The following TTBK1 variants were observed in gnomAD, a reference collection of about 807,000 sequenced individuals.
TTBK1 encodes tau-tubulin kinase 1.
TTBK1 carries 34 observed loss-of-function variants against 108.5 expected under a neutral mutation model. The observed-to-expected ratio is 0.31, with a 90% confidence interval of 0.24 to 0.42. The LOEUF (loss-of-function observed/expected upper bound fraction) is 0.42. Among genes scored for constraint, TTBK1 ranks in the 10% least tolerant of loss-of-function variants. The probability of loss-of-function intolerance (pLI) is 1.00; values close to 1 mark genes in which losing one functional copy is unlikely to be tolerated. For synonymous variants in TTBK1, 809 were observed against 795.1 expected (o/e 1.02, Z -0.29); for missense variants, 1,539 against 1,826.0 (o/e 0.84, Z 2.86).
At chr6:43,279,021 G>C (rs960984387) in intron 13 of TTBK1, among the ~76,000 whole-genome samples, 1 of 152,252 alleles carries the variant, frequency 6.6e-6, no homozygotes, top group Non-Finnish European at 1.5e-5. Flanking sequence ...ACTGGAAAGA[G>C]TTTTGGGTCC....
intron 2 of TTBK1, among the ~76,000 whole-genome samples, chr6:43,251,003 A>C (rs1777223921): frequency 6.6e-6 from 1 of 152,196 alleles, no homozygotes. Context: ...TTTCATCTCT[A>C]AGAGAAAGGA....
At chr6:43,247,995 A>G (rs1189813239) in intron 2 of TTBK1, 1 of 152,208 alleles carries the variant, frequency 6.6e-6, no homozygotes, top group Non-Finnish European at 1.5e-5. Context: ...CAGTAATAAA[A>G]GGAACGAGGG....
intron 13 of TTBK1, among the ~76,000 whole-genome samples, chr6:43,275,546 G>A (rs1023172014): frequency 6.6e-6 from 1 of 151,590 alleles, no homozygotes; most frequent in African/African-American, 2.4e-5. Context: ...GGAGGGCCCT[G>A]TCGCCCCACC....
intron 13 of TTBK1, chr6:43,272,726 C>T (rs778125209): frequency 3.0e-5 from 29 of 971,424 alleles, no homozygotes; most frequent in South Asian, 1.9e-4. Context: ...ATGTGAAGCT[C>T]GGCAGAGCTT....
intron 5 of TTBK1, among the ~76,000 whole-genome samples, chr6:43,254,339 C>T (rs563327075): frequency 6.6e-6 from 1 of 152,366 alleles, no homozygotes; most frequent in Non-Finnish European, 1.5e-5. Context: ...CTTTAGTTTC[C>T]TCATCTCTAA....
At chr6:43,280,744 GA>G (rs1246041929) in intron 13 of TTBK1, among the ~76,000 whole-genome samples, 1 of 152,200 alleles carries the variant, frequency 6.6e-6, no homozygotes, top group Non-Finnish European at 1.5e-5. Flanking sequence ...GTAGAAAAGG[GA>G]GAATAAGTAA....
rs983659764 is a variant in TTBK1 at position 43,286,143 on chromosome 6, A to C, written c.*767A>C. On this transcript the variant is annotated 3_prime_UTR_variant, in exon 15 of 15. Transcript: ENST00000259750. The surrounding 1 kb of genome is among the most constrained non-coding windows in gnomAD (Gnocchi z 4.6). ...CTCCCCTGCACCTCTGGGGTGCAGAAACCTCTTGCCTCCAGATTTGGGTGG... is the reference window on the plus strand; with the variant it reads ...CTCCCCTGCACCTCTGGGGTGCAGACACCTCTTGCCTCCAGATTTGGGTGG... 2.6e-5 allele frequency: 4 copies of C among 152,604 alleles called. No homozygotes were observed. Among genetic ancestry groups the C allele is most frequent in the African/African-American group, 9.7e-5 (4 of 41,432 alleles). The allele number at this position is 152,604 out of a possible 1,614,324, so 9.5% of individuals were successfully genotyped here.
chr6:43,272,568 G>C, intron 13 of TTBK1: 2 of 985,406 alleles, frequency 2.0e-6, no homozygotes, highest in Non-Finnish European at 2.4e-6. Context: ...ACATCCTTTT[G>C]TATATCCTCC....
intron 2 of TTBK1, chr6:43,247,879 G>T (rs746457333): frequency 6.6e-6 from 1 of 152,248 alleles, no homozygotes; most frequent in Non-Finnish European, 1.5e-5. Flanking sequence ...ATGAAGAGGA[G>T]GAGACTTCTA....
Position 43,265,081 on chromosome 6 carries a change from G to A in TTBK1, c.1986+1731G>A, listed in dbSNP as rs1219649825. Among the ~76,000 whole-genome samples the A allele has an allele frequency of 1.3e-5, 2 of 152,242 alleles. No homozygotes were observed. The highest frequency in any genetic ancestry group is 1.9e-4 in the East Asian group (1 of 5,202). On this transcript the variant is annotated intron_variant, in intron 13 of 14. Transcript: ENST00000259750. This position sits in a 1 kb window ranked among gnomAD's most constrained non-coding sequence, Gnocchi z 4.1. ...GAGGCTGAACTCTGACCTGGGAAAT[G>A]GAGGAAAACTCCAAATGGGGTCCAT... is the stretch of plus-strand genomic sequence containing the variant.
chr6:43,246,853 G>C, intron 2 of TTBK1, 85 bp downstream of exon 2: 1 of 1,060,268 alleles, frequency 9.4e-7, no homozygotes, highest in Middle Eastern at 2.1e-4. Context: ...GGTGCCCTCC[G>C]CTCCCCTACC....
rs1777610733 is a variant in TTBK1, at chr6:43,263,890, G to A, written c.1986+540G>A. Among the ~76,000 whole-genome samples the A allele has an allele frequency of 6.6e-6, 1 of 152,226 alleles. No homozygotes were observed. The highest frequency in any genetic ancestry group is 2.1e-4 in the South Asian group (1 of 4,832). On this transcript the variant is annotated intron_variant, in intron 13 of 14. Coordinates refer to ENST00000259750, the MANE Select transcript of TTBK1 (RefSeq NM_032538.3). This position sits in a 1 kb window ranked among gnomAD's most constrained non-coding sequence, Gnocchi z 4.7. The stretch of plus-strand genomic sequence containing the variant: ...TGAAATGGCCTGAAATGAGATGCAA[G>A]CAGGCCACGTGGCAGGCAGTGGCAA...
At position 43,254,669 on chromosome 6, in the gene TTBK1, G is replaced by C. The variant is rs768647823; in HGVS notation, c.576+18G>C. 3 of 1,539,706 alleles carry C rather than the reference G, an allele frequency of 1.9e-6. No individual in the cohort carries two copies. Among genetic ancestry groups the C allele is most frequent in the Non-Finnish European group, 2.6e-6 (3 of 1,146,806 alleles). On this transcript the variant is annotated intron_variant, in intron 6 of 14. Coordinates refer to ENST00000259750, the MANE Select transcript of TTBK1 (RefSeq NM_032538.3). ...TGCGGCCCGTGAGTACCGTCGGGGCGGGGAGGACAGTGGAGGACTCCCCCC... is the reference window on the plus strand; with the variant it reads ...TGCGGCCCGTGAGTACCGTCGGGGCCGGGAGGACAGTGGAGGACTCCCCCC...
At chr6:43,271,574 T>C in intron 13 of TTBK1, 1 of 985,252 alleles carries the variant, frequency 1.0e-6, no homozygotes, top group Non-Finnish European at 1.2e-6. Flanking sequence ...TCCCCAGATG[T>C]CTCTGGTTAG....
intron 13 of TTBK1, chr6:43,271,866 G>GGCCCC: frequency 1.0e-6 from 1 of 979,712 alleles, no homozygotes; most frequent in South Asian, 4.7e-5. Context: ...TAATACTTGT[G>GGCCCC]CCCCACCCCC....
rs368801172 is a variant in TTBK1, at chr6:43,283,786, A to C, written c.3046A>C (p.Asn1016His). 48 of 1,613,678 alleles carry C rather than the reference A, an allele frequency of 3.0e-5. No individual in the cohort carries two copies. The African/African-American group carries it at 6.0e-4, about 20-fold the overall frequency. The change falls in exon 14 of 15, where the codon AAT becomes CAT. Residue 1016 changes from asparagine to histidine, a missense_variant. This residue lies in a region of TTBK1 where 1,055 missense variants were observed against 1,086.5 expected (regional missense o/e 0.97). Coordinates refer to ENST00000259750, the MANE Select transcript of TTBK1 (RefSeq NM_032538.3). The surrounding 1 kb of genome is among the most constrained non-coding windows in gnomAD (Gnocchi z 8.1). ...PSEMATNSLP[N>H]GPALADGPAP... Reference sequence around the variant, plus strand: ...AGAGATGGCCACAAACTCACTGCCCAATGGCCCGGCCCTTGCAGACGGGCC... The same window carrying C: ...AGAGATGGCCACAAACTCACTGCCCCATGGCCCGGCCCTTGCAGACGGGCC...
In TTBK1 at chr6:43,265,840, C is replaced by A. The variant is rs940618913; in HGVS notation, c.1986+2490C>A. 2.0e-5 allele frequency among the ~76,000 whole-genome samples: 3 copies of A among 152,156 alleles called. No individual in the cohort carries two copies. The highest frequency in any genetic ancestry group is 2.9e-5 in the Non-Finnish European group (2 of 68,032). On this transcript the variant is annotated intron_variant, in intron 13 of 14. Transcript: ENST00000259750. The surrounding 1 kb of genome is among the most constrained non-coding windows in gnomAD (Gnocchi z 4.1). ...CCCTTCCCAGTGACTGAGGGCCAGT[C>A]AGTGTCCCTTTCTGGGTCTCCAGGT... is the stretch of plus-strand genomic sequence containing the variant.
chr6:43,273,304 T>C lies in TTBK1; in HGVS notation c.1987-9423T>C, dbSNP rs1357803316. On this transcript the variant is annotated intron_variant, in intron 13 of 14. Transcript: ENST00000259750. This position sits in a 1 kb window ranked among gnomAD's most constrained non-coding sequence, Gnocchi z 4.2. ...CAGTCTATAGAAAAGAGGGGAGTTG[T>C]CAGCAAGCCATATTTTCCTTCCTTT... Among the ~76,000 whole-genome samples, 1 of 152,204 alleles carries C rather than the reference T, an allele frequency of 6.6e-6. No individual in the cohort carries two copies. Among genetic ancestry groups the C allele is most frequent in the African/African-American group, 2.4e-5 (1 of 41,448 alleles).
Position 43,255,808 on chromosome 6 carries a change from C to T in TTBK1, c.813C>T (p.Phe271=). Residue 271 remains phenylalanine, a synonymous_variant, in exon 9 of 15, where the codon TTC becomes TTT. Transcript: ENST00000259750. ...ACATGCCGTCAGAGTTCCACCTCTTCCTGGACCACATTGCCAGCCTCGACT... is the reference window on the plus strand; with the variant it reads ...ACATGCCGTCAGAGTTCCACCTCTTTCTGGACCACATTGCCAGCCTCGACT... ...LKHMPSEFHL[F]LDHIASLDYF... is the part of the protein sequence containing the mutation. The T allele has an allele frequency of 6.2e-7, 1 of 1,614,146 alleles. No homozygotes were observed. The highest frequency in any genetic ancestry group is 8.5e-7 in the Non-Finnish European group (1 of 1,180,028).
Sources: gnomAD v4.1 joint callset for allele counts (sites outside exome capture counted in the v4.1 genomes callset) on GRCh38, gnomAD v4.1.1 for gene constraint, gnomAD v4.1.1 regional missense constraint, Gnocchi (gnomAD v3.1) non-coding constraint, MANE v1.5 for transcripts, NCBI Gene and HGNC (gene_info 2026-07-23, HGNC 2026-07-21) for gene names.